EPS15L1: variants seen among roughly 807,000 people sequenced by gnomAD.
EPS15L1 encodes epidermal growth factor receptor substrate 15-like 1.
A neutral mutation model predicts 117.1 loss-of-function variants in EPS15L1; 43 were observed. That is an observed-to-expected ratio of 0.37 (90% CI 0.29 to 0.47). The LOEUF is 0.47. Among genes scored for constraint, EPS15L1 ranks in the 20% least tolerant of loss-of-function variants. EPS15L1 has a pLI of 0.99. For synonymous variants in EPS15L1, 459 were observed against 470.5 expected (o/e 0.98, Z 0.32); for missense variants, 981 against 1,164.0 (o/e 0.84, Z 2.29).
chr19:16,442,612 C>T (rs2093043396), intron 1 of EPS15L1, among the ~76,000 whole-genome samples: 1 of 152,126 alleles, frequency 6.6e-6, no homozygotes, highest in Non-Finnish European at 1.5e-5. Flanking sequence ...AAGAAGTTTC[C>T]ACGCATTATC....
At chr19:16,385,057 TG>T in intron 21 of EPS15L1, 71 bp downstream of exon 21, 1 of 1,193,852 alleles carries the variant, frequency 8.4e-7, no homozygotes. Flanking sequence ...CAATTACGCC[TG>T]GCAGCCCACA....
rs902813019 is a variant in EPS15L1 at position 16,441,838 on chromosome 19, G to C, written c.165+54C>G. ...CTGCACAGGCTGGCCCTGACCTGCG[G>C]GGGGAGCTGTGAGGGCAGCCACAGA... On this transcript the variant is annotated intron_variant, in intron 3 of 23. Transcript: ENST00000455140. The C allele has an allele frequency of 1.2e-5, 17 of 1,442,758 alleles. No homozygotes were observed. The African/African-American group carries it at 1.7e-4, about 14-fold the overall frequency. 89.4% of individuals were successfully genotyped at this position (1,442,758 alleles called of 1,614,324 possible). A position where few individuals can be genotyped will look rare whatever the true frequency, so the allele number is the denominator to read the frequency against.
chr19:16,458,638 T>C lies in EPS15L1; in HGVS notation c.33+13275A>G, dbSNP rs578162534. Reference sequence around the variant, plus strand: ...TGAGCCCAGTCCTGAAAGTGCTCCCTGGCCATCTCCTACCTTGCCGGGCTG... The same window carrying C: ...TGAGCCCAGTCCTGAAAGTGCTCCCCGGCCATCTCCTACCTTGCCGGGCTG... On this transcript the variant is annotated intron_variant, in intron 1 of 23. Coordinates refer to ENST00000455140, the MANE Select transcript of EPS15L1 (RefSeq NM_001258374.3). Among the ~76,000 whole-genome samples the C allele has an allele frequency of 1.4e-4, 21 of 152,214 alleles. 1 individual carries two copies. Among genetic ancestry groups the C allele is most frequent in the Admixed American group, 1.4e-3 (21 of 15,288 alleles).
At chr19:16,392,489 C>G (rs552148274) in intron 18 of EPS15L1, 49 bp from the exon 19 acceptor site, 8 of 1,546,322 alleles carry the variant, frequency 5.2e-6, no homozygotes, top group Non-Finnish European at 7.1e-6. Flanking sequence ...AGTGAAAGAA[C>G]CCAGACATAA....
chr19:16,385,611 C>A (rs2092412199), intron 20 of EPS15L1, among the ~76,000 whole-genome samples: 1 of 152,176 alleles, frequency 6.6e-6, no homozygotes, highest in Non-Finnish European at 1.5e-5. Context: ...CTCCTCTAAC[C>A]TGGAAGGGAT....
At chr19:16,362,666 T>C (rs2092074240) in intron 22 of EPS15L1, among the ~76,000 whole-genome samples, 2 of 151,926 alleles carry the variant, frequency 1.3e-5, no homozygotes, top group Non-Finnish European at 2.9e-5. Flanking sequence ...TGAGCCACCA[T>C]GCGTGGCTAA....
rs118134296 is a variant in EPS15L1 at position 16,405,122 on chromosome 19, G to A, written c.1267-373C>T. 3.1e-3 allele frequency among the ~76,000 whole-genome samples: 469 copies of A among 152,330 alleles called. 2 individuals carry two copies. Among genetic ancestry groups the A allele is most frequent in the Non-Finnish European group, 5.2e-3 (355 of 68,028 alleles). The stretch of plus-strand genomic sequence containing the variant: ...ACAAGTGGCACCAAGGGGGTCACAG[G>A]GAAACTACAGTCACACCTTGTGGGC... On this transcript the variant is annotated intron_variant, in intron 13 of 23. Transcript: ENST00000455140. The surrounding 1 kb of genome is among the most constrained non-coding windows in gnomAD (Gnocchi z 4.0).
At chr19:16,407,436 G>C (rs971195598) in intron 13 of EPS15L1, among the ~76,000 whole-genome samples, 2 of 152,182 alleles carry the variant, frequency 1.3e-5, no homozygotes, top group Non-Finnish European at 2.9e-5. Flanking sequence ...CTCCCGAGTA[G>C]CTGGGACTAC....
intron 22 of EPS15L1, among the ~76,000 whole-genome samples, chr19:16,364,863 C>G (rs1357894418): frequency 6.6e-6 from 1 of 152,244 alleles, no homozygotes; most frequent in Non-Finnish European, 1.5e-5. Flanking sequence ...GGCCGCCCAC[C>G]AGCTCGGCTC....
At chr19:16,467,855 C>T (rs1189569903) in intron 1 of EPS15L1, among the ~76,000 whole-genome samples, 1 of 152,156 alleles carries the variant, frequency 6.6e-6, no homozygotes, top group African/African-American at 2.4e-5. Context: ...CTCAGCTCTG[C>T]GCCCACCAAC....
At chr19:16,461,191 C>T (rs1179593030) in intron 1 of EPS15L1, among the ~76,000 whole-genome samples, 2 of 151,882 alleles carry the variant, frequency 1.3e-5, no homozygotes, top group Admixed American at 1.3e-4. Flanking sequence ...GTAGTCCCAG[C>T]TACTCAGGAG....
At position 16,406,513 on chromosome 19, in the gene EPS15L1, G is replaced by A. The variant is rs117579615; in HGVS notation, c.1267-1764C>T. ...TCCGAGCGATGCTCCCACCAGGGAC[G>A]GAAGCCTCTAGAGCCTCCTAAGTCT... On this transcript the variant is annotated intron_variant, in intron 13 of 23. Transcript: ENST00000455140. 3.0e-3 allele frequency among the ~76,000 whole-genome samples: 464 copies of A among 152,350 alleles called. 1 individual carries two copies. The highest frequency in any genetic ancestry group is 6.0e-3 in the Non-Finnish European group (406 of 68,038).
chr19:16,467,282 G>A (rs796489656), intron 1 of EPS15L1, among the ~76,000 whole-genome samples: 16 of 151,846 alleles, frequency 1.1e-4, no homozygotes, highest in African/African-American at 2.7e-4. Context: ...CCGAGTGGCC[G>A]GGATTACAGG....
At chr19:16,400,899 GAC>G in intron 16 of EPS15L1, 1 of 985,396 alleles carries the variant, frequency 1.0e-6, no homozygotes, top group Non-Finnish European at 1.2e-6. Context: ...CTGCAAAAGG[GAC>G]ATTTAAGAGG....
At chr19:16,437,279 T>C (rs772100387) in intron 5 of EPS15L1, among the ~76,000 whole-genome samples, 23 of 152,172 alleles carry the variant, frequency 1.5e-4, no homozygotes, top group Non-Finnish European at 2.5e-4. Context: ...TCCAGAGAGA[T>C]GAATGGATAA....
rs2092212412 is a variant in EPS15L1 at position 16,370,772 on chromosome 19, A to G, written c.2380+6350T>C. 6.6e-6 allele frequency among the ~76,000 whole-genome samples: 1 copy of G among 152,230 alleles called. No individual in the cohort carries two copies. Among genetic ancestry groups the G allele is most frequent in the Non-Finnish European group, 1.5e-5 (1 of 68,040 alleles). ...AGTGGGACCGTTCCTTGGCACCGTC[A>G]GCAGGTCCCACCCAGCCCTAAGACA... On this transcript the variant is annotated intron_variant, in intron 22 of 23. Transcript: ENST00000455140. The surrounding 1 kb of genome is among the most constrained non-coding windows in gnomAD (Gnocchi z 5.2).
chr19:16,411,959 A>G (rs1308490888), intron 13 of EPS15L1, among the ~76,000 whole-genome samples: 2 of 152,186 alleles, frequency 1.3e-5, no homozygotes, highest in African/African-American at 4.8e-5. Context: ...TCGGCCTCCC[A>G]AAGTGCTGGG....
At chr19:16,423,930 C>A (rs139491464) in intron 9 of EPS15L1, among the ~76,000 whole-genome samples, 105 of 152,318 alleles carry the variant, frequency 6.9e-4, no homozygotes, top group Middle Eastern at 3.4e-3. Context: ...CCTAATAATA[C>A]TTGCTGGGCA....
At chr19:16,428,414 G>A (rs1165108858) in intron 8 of EPS15L1, among the ~76,000 whole-genome samples, 1 of 133,220 alleles carries the variant, frequency 7.5e-6, no homozygotes, top group Admixed American at 7.5e-5. Context: ...AAGGGAGGGA[G>A]GGAAGGAAGG....
Sources: gnomAD v4.1 joint callset for allele counts (sites outside exome capture counted in the v4.1 genomes callset) on GRCh38, gnomAD v4.1.1 for gene constraint, Gnocchi (gnomAD v3.1) non-coding constraint, MANE v1.5 for transcripts, NCBI Gene and HGNC (gene_info 2026-07-23, HGNC 2026-07-21) for gene names.